Variants in ULK4 observed in about 807,000 individuals in gnomAD.
ULK4 encodes unc-51 like kinase 4.
In ULK4, 133 loss-of-function variants were observed where a neutral mutation model predicts 160.6. That is an observed-to-expected ratio of 0.83 (90% CI 0.72 to 0.96). ULK4 has a LOEUF of 0.96. Ranked by LOEUF, ULK4 falls within the 40% of genes least tolerant of loss-of-function variation. The probability of loss-of-function intolerance (pLI) is 0.00; values close to 1 mark genes in which losing one functional copy is unlikely to be tolerated. For missense variants in ULK4, 1,580 were observed against 1,499.5 expected (o/e 1.05, Z -0.89); for synonymous variants, 534 against 539.8 (o/e 0.99, Z 0.15).
intron 34 of ULK4, among the ~76,000 whole-genome samples, chr3:41,416,759 C>T (rs191188664): frequency 6.8e-4 from 103 of 152,124 alleles, no homozygotes; most frequent in African/African-American, 2.4e-3. Context: ...CCATGTGAAA[C>T]AGGGAAACAC....
At chr3:41,785,251 GTTTCT>G (rs1397574588) in intron 21 of ULK4, among the ~76,000 whole-genome samples, 1 of 152,092 alleles carries the variant, frequency 6.6e-6, no homozygotes, top group Non-Finnish European at 1.5e-5. Context: ...CATATAACAA[GTTTCT>G]TTTAATATCC....
At chr3:41,913,893 G>A (rs765134406) in intron 8 of ULK4, among the ~76,000 whole-genome samples, 1 of 152,180 alleles carries the variant, frequency 6.6e-6, no homozygotes, top group Admixed American at 6.5e-5. Context: ...AGCCTGGGAG[G>A]GAGAGGTTGC....
intron 30 of ULK4, among the ~76,000 whole-genome samples, chr3:41,633,273 G>A (rs997382454): frequency 1.3e-5 from 2 of 152,094 alleles, no homozygotes; most frequent in African/African-American, 4.8e-5. Context: ...CAGTTAGTGG[G>A]TTTTTTCAAT....
At chr3:41,554,282 A>G (rs75462824) in intron 32 of ULK4, among the ~76,000 whole-genome samples, 4,446 of 152,288 alleles carry the variant, frequency 0.029, 209 homozygotes, top group African/African-American at 0.1. Flanking sequence ...ACCGAATAGT[A>G]TTCTATCCAT....
intron 34 of ULK4, among the ~76,000 whole-genome samples, chr3:41,451,238 G>A (rs2083418154): frequency 6.6e-6 from 1 of 151,970 alleles, no homozygotes; most frequent in South Asian, 2.1e-4. Flanking sequence ...AATAAGCAGG[G>A]AACAAGAGGG....
rs866508104 is a variant in ULK4 at position 41,794,685 on chromosome 3, A to C, written c.2011-4842T>G. 3.6e-3 allele frequency among the ~76,000 whole-genome samples: 463 copies of C among 129,078 alleles called. 21 individuals are homozygous for C. The highest frequency in any genetic ancestry group is 0.022 in the Middle Eastern group (5 of 224). 84.7% of individuals were successfully genotyped at this position (129,078 alleles called of 152,430 possible). A position where few individuals can be genotyped will look rare whatever the true frequency, so the allele number is the denominator to read the frequency against. On this transcript the variant is annotated intron_variant, in intron 20 of 36. Coordinates refer to ENST00000301831, the MANE Select transcript of ULK4 (RefSeq NM_017886.4). ...CAAAAAAAAAAAAAAAAAAAAAAAA[A>C]ACACAGAAAAAAAAACCACAAACCT...
intron 35 of ULK4, among the ~76,000 whole-genome samples, chr3:41,260,647 C>G (rs745964655): frequency 1.3e-5 from 2 of 152,190 alleles, no homozygotes; most frequent in Non-Finnish European, 2.9e-5. Context: ...ATCTGCTGAT[C>G]ACCAAGGGTA....
intron 35 of ULK4, among the ~76,000 whole-genome samples, chr3:41,328,353 G>A (rs2080375234): frequency 6.6e-6 from 1 of 152,172 alleles, no homozygotes. Flanking sequence ...TCAGACCACA[G>A]ATGGAGAATC....
At chr3:41,583,981 T>C (rs1171843174) in intron 31 of ULK4, among the ~76,000 whole-genome samples, 1 of 152,200 alleles carries the variant, frequency 6.6e-6, no homozygotes, top group African/African-American at 2.4e-5. Flanking sequence ...CCAAAACCTA[T>C]TTGCTTCCAA....
intron 35 of ULK4, among the ~76,000 whole-genome samples, chr3:41,343,238 T>G (rs2080723550): frequency 6.6e-6 from 1 of 151,924 alleles, no homozygotes; most frequent in South Asian, 2.1e-4. Flanking sequence ...CAAACTATCT[T>G]TGTTCACAGA....
intron 31 of ULK4, among the ~76,000 whole-genome samples, chr3:41,575,823 C>T (rs1052127482): frequency 1.3e-5 from 2 of 151,678 alleles, no homozygotes; most frequent in Non-Finnish European, 2.9e-5. Context: ...CTTGGCTTTC[C>T]TAGCCCTGCC....
At chr3:41,697,267 G>A (rs1435666588) in intron 27 of ULK4, among the ~76,000 whole-genome samples, 2 of 152,170 alleles carry the variant, frequency 1.3e-5, no homozygotes, top group Non-Finnish European at 2.9e-5. Context: ...CATGTACGAT[G>A]ACGGTCCCTT....
chr3:41,629,395 T>C (rs975285884), intron 30 of ULK4, among the ~76,000 whole-genome samples: 5 of 152,138 alleles, frequency 3.3e-5, no homozygotes, highest in Non-Finnish European at 7.3e-5. Context: ...TTGGCCTCTC[T>C]CTGCATGATA....
intron 35 of ULK4, among the ~76,000 whole-genome samples, chr3:41,365,463 AAATT>A (rs763130252): frequency 6.6e-6 from 1 of 152,246 alleles, no homozygotes; most frequent in Non-Finnish European, 1.5e-5. Context: ...TGCAGCCAGA[AAATT>A]AATATAACAT....
intron 17 of ULK4, chr3:41,882,172 A>AT (rs1306490215): frequency 1.4e-6 from 1 of 702,250 alleles, no homozygotes; most frequent in South Asian, 1.5e-5. Flanking sequence ...AGTTTTATTT[A>AT]TTTTGAAATA....
chr3:41,678,543 A>G (rs1389482635), intron 29 of ULK4, among the ~76,000 whole-genome samples: 6 of 152,166 alleles, frequency 3.9e-5, no homozygotes, highest in Non-Finnish European at 7.3e-5. Flanking sequence ...AGACACATAC[A>G]CGGAGCATCA....
chr3:41,808,492 C>T (rs2040720181), intron 19 of ULK4, among the ~76,000 whole-genome samples: 1 of 152,172 alleles, frequency 6.6e-6, no homozygotes, highest in Admixed American at 6.5e-5. Flanking sequence ...TGTGGGATAC[C>T]ATACAAGCAA....
intron 32 of ULK4, among the ~76,000 whole-genome samples, chr3:41,520,334 C>G (rs2085891344): frequency 6.6e-6 from 1 of 151,906 alleles, no homozygotes; most frequent in African/African-American, 2.4e-5. Flanking sequence ...TGCCTGGCTT[C>G]TTTCAGTTAA....
chr3:41,896,733 G>T (rs1176756670), intron 15 of ULK4, 89 bp downstream of exon 15: 6 of 1,390,626 alleles, frequency 4.3e-6, no homozygotes, highest in Non-Finnish European at 4.8e-6. Flanking sequence ...TTTTTTTGTG[G>T]TAGTTAAATC....
Sources: allele counts gnomAD v4.1 joint callset (sites outside exome capture counted in the v4.1 genomes callset), GRCh38; gene constraint gnomAD v4.1.1; transcripts MANE v1.5; gene names NCBI Gene and HGNC (gene_info 2026-07-23, HGNC 2026-07-21).